Variants in MAGI1 observed in about 807,000 individuals in gnomAD.
The protein encoded by MAGI1 is membrane-associated guanylate kinase, WW and PDZ domain-containing protein 1.
In MAGI1, 58 loss-of-function variants were observed where a neutral mutation model predicts 139.9. That is an observed-to-expected ratio of 0.41 (90% CI 0.34 to 0.52). The LOEUF (loss-of-function observed/expected upper bound fraction) is 0.52. Ranked by LOEUF, MAGI1 falls within the 20% of genes least tolerant of loss-of-function variation. MAGI1 has a pLI of 0.12. For missense variants in MAGI1, 1,874 were observed against 1,901.6 expected, an observed-to-expected ratio of 0.99 and a Z score of 0.27; for synonymous variants, 812 against 737.9, an observed-to-expected ratio of 1.10 and a Z score of -1.63.
chr3:65,491,978 C>A (rs1393866291), intron 3 of MAGI1, among the ~76,000 whole-genome samples: 1 of 152,170 alleles, frequency 6.6e-6, no homozygotes, highest in African/African-American at 2.4e-5. Context: ...AAACAGCCAT[C>A]TCTAAGATTC....
chr3:65,958,710 G>C (rs868430220), intron 1 of MAGI1, among the ~76,000 whole-genome samples: 10 of 152,204 alleles, frequency 6.6e-5, no homozygotes, highest in Middle Eastern at 3.2e-3. Flanking sequence ...CATTTAGCCA[G>C]GCGGGGGAGC....
At chr3:65,560,468 A>T (rs1382990191) in intron 2 of MAGI1, among the ~76,000 whole-genome samples, 1 of 152,230 alleles carries the variant, frequency 6.6e-6, no homozygotes, top group East Asian at 1.9e-4. Context: ...GGAATTTTTT[A>T]AATGTACTCA....
intron 2 of MAGI1, among the ~76,000 whole-genome samples, chr3:65,541,324 C>G (rs984395915): frequency 2.0e-5 from 3 of 152,098 alleles, no homozygotes; most frequent in African/African-American, 4.8e-5. Flanking sequence ...AGATTCACAG[C>G]CAAATTCTAA....
chr3:65,500,103 T>A (rs113106468), intron 2 of MAGI1, among the ~76,000 whole-genome samples: 38 of 152,338 alleles, frequency 2.5e-4, no homozygotes, highest in African/African-American at 8.9e-4. Context: ...TCCCATCTCA[T>A]AGAAAGCCAG....
At chr3:65,624,694 C>A (rs926865545) in intron 1 of MAGI1, among the ~76,000 whole-genome samples, 2 of 152,154 alleles carry the variant, frequency 1.3e-5, no homozygotes, top group Non-Finnish European at 2.9e-5. Context: ...ATCTATGGGT[C>A]TTCCCCATTG....
At chr3:65,731,951 A>T (rs554468449) in intron 1 of MAGI1, among the ~76,000 whole-genome samples, 1 of 152,350 alleles carries the variant, frequency 6.6e-6, no homozygotes, top group South Asian at 2.1e-4. Context: ...AGAGTTGATT[A>T]CTTGTGGTTC....
intron 2 of MAGI1, among the ~76,000 whole-genome samples, chr3:65,499,807 T>A (rs1427901510): frequency 1.3e-5 from 2 of 152,290 alleles, no homozygotes; most frequent in African/African-American, 2.4e-5. Context: ...TAAATGGGTA[T>A]AATAATACTA....
intron 1 of MAGI1, among the ~76,000 whole-genome samples, chr3:65,699,564 C>A (rs1335970482): frequency 1.4e-5 from 2 of 146,620 alleles, no homozygotes; most frequent in African/African-American, 2.6e-5. Context: ...ATGATGAGTT[C>A]ATGTCCTTTG....
intron 13 of MAGI1, among the ~76,000 whole-genome samples, chr3:65,394,256 TC>T (rs1460646239): frequency 6.6e-6 from 1 of 152,030 alleles, no homozygotes; most frequent in Non-Finnish European, 1.5e-5. Context: ...CTTTCTCACC[TC>T]CCCAATAAAT....
chr3:65,675,083 G>C (rs1318445500), intron 1 of MAGI1, among the ~76,000 whole-genome samples: 1 of 152,092 alleles, frequency 6.6e-6, no homozygotes, highest in Non-Finnish European at 1.5e-5. Flanking sequence ...GAAACATTCT[G>C]ACCAGATGCT....
At chr3:65,469,778 T>A (rs1575879440) in intron 5 of MAGI1, 1 of 151,512 alleles carries the variant, frequency 6.6e-6, no homozygotes, top group Non-Finnish European at 1.5e-5. Flanking sequence ...AAGCCAGACT[T>A]AGAGAAAATG....
chr3:65,375,692 G>A (rs1942448969), intron 18 of MAGI1, 53 bp downstream of exon 18: 1 of 1,384,016 alleles, frequency 7.2e-7, no homozygotes, highest in Admixed American at 1.7e-5. Context: ...AAAAGACAGA[G>A]ACAGAGAGAG....
chr3:65,714,647 A>G (rs1262526310), intron 1 of MAGI1, among the ~76,000 whole-genome samples: 2 of 152,248 alleles, frequency 1.3e-5, no homozygotes, highest in East Asian at 1.9e-4. Context: ...TAGGGTTAAA[A>G]AAAACCGAAG....
At chr3:65,889,782 G>C (rs965800344) in intron 1 of MAGI1, among the ~76,000 whole-genome samples, 1 of 152,130 alleles carries the variant, frequency 6.6e-6, no homozygotes, top group African/African-American at 2.4e-5. Flanking sequence ...GGCATGGGGG[G>C]TTGTCAGGTA....
rs746051828 is a variant in MAGI1 at position 65,379,358 on chromosome 3, CACCACGGTGCTG to C, written c.2886_2897del (p.Ser963_Val966del). On this transcript the variant is annotated inframe_deletion, in exon 17 of 23. Coordinates refer to ENST00000402939, the MANE Select transcript of MAGI1 (RefSeq NM_001033057.2). The stretch of plus-strand genomic sequence containing the variant: ...GCCGGATCTCCACGTCGTAGGGCTG[CACCACGGTGCTG>C]ACCACGCCGCTGCCCCCGCCGCCGC... 1 of 1,613,174 alleles carries C rather than the reference CACCACGGTGCTG, an allele frequency of 6.2e-7. No individual in the cohort carries two copies. The highest frequency in any genetic ancestry group is 1.3e-5 in the African/African-American group (1 of 75,038).
intron 2 of MAGI1, among the ~76,000 whole-genome samples, chr3:65,610,809 ATATAG>A (rs2083031598): frequency 1.6e-5 from 2 of 121,780 alleles, no homozygotes; most frequent in African/African-American, 3.0e-5. Flanking sequence ...ATATAGGTAT[ATATAG>A]TATATAGTAT....
chr3:65,615,676 G>A (rs1402913719), intron 2 of MAGI1, among the ~76,000 whole-genome samples: 6 of 152,116 alleles, frequency 3.9e-5, no homozygotes, highest in Non-Finnish European at 2.9e-5. Context: ...GTGCTCCATC[G>A]GAGAGTCCCA....
intron 1 of MAGI1, among the ~76,000 whole-genome samples, chr3:65,869,212 C>T (rs1284280276): frequency 2.8e-5 from 4 of 145,148 alleles, no homozygotes; most frequent in Non-Finnish European, 4.5e-5. Flanking sequence ...GCCGAGATCG[C>T]GCCACTGCAC....
chr3:65,394,870 G>T (rs936989605), intron 13 of MAGI1, among the ~76,000 whole-genome samples: 1 of 152,064 alleles, frequency 6.6e-6, no homozygotes, highest in Non-Finnish European at 1.5e-5. Context: ...GTTCACTTCT[G>T]AACTATTTAT....
Sources: allele counts gnomAD v4.1 joint callset (sites outside exome capture counted in the v4.1 genomes callset), GRCh38; gene constraint gnomAD v4.1.1; transcripts MANE v1.5; gene names NCBI Gene and HGNC (gene_info 2026-07-23, HGNC 2026-07-21).